LINGO2: variants seen among roughly 807,000 people sequenced by gnomAD.
The protein encoded by LINGO2 is leucine-rich repeat and immunoglobulin-like domain-containing nogo receptor-interacting protein 2.
A neutral mutation model predicts 30.6 loss-of-function variants in LINGO2; 14 were observed. The observed-to-expected ratio is 0.46, with a 90% CI of 0.30 to 0.72. LINGO2 has a LOEUF of 0.72. LINGO2 is among the 30% of genes least tolerant of loss of function. The pLI is 0.07. For missense variants in LINGO2, 729 were observed against 751.7 expected (o/e 0.97, Z 0.35); for synonymous variants, 317 against 288.5 (o/e 1.10, Z -1.00).
intron 4 of LINGO2, among the ~76,000 whole-genome samples, chr9:28,146,338 A>T (rs907136462): frequency 5.3e-5 from 8 of 152,240 alleles, no homozygotes; most frequent in African/African-American, 1.9e-4. Flanking sequence ...ATAATTTCAG[A>T]ATAAAAACTA....
chr9:28,309,096 G>C (rs1266467859), intron 3 of LINGO2, among the ~76,000 whole-genome samples: 2 of 152,080 alleles, frequency 1.3e-5, no homozygotes, highest in African/African-American at 4.8e-5. Flanking sequence ...ATACCCAAAG[G>C]ACTGTAAATC....
rs192957581 is a variant in LINGO2 at position 27,987,121 on chromosome 9, A to G, written c.-36+25234T>C. 1.6e-4 allele frequency among the ~76,000 whole-genome samples: 25 copies of G among 151,988 alleles called. 1 individual carries two copies. The Middle Eastern group carries it at 0.01, about 62-fold the overall frequency. ...CTCAATAAATGAAGCTAAAAAACCAACCTTCAAGGGGTACTTATGAGGATG... is the reference window on the plus strand; with the variant it reads ...CTCAATAAATGAAGCTAAAAAACCAGCCTTCAAGGGGTACTTATGAGGATG... On this transcript the variant is annotated intron_variant, in intron 5 of 5. Transcript: ENST00000379992.
chr9:28,451,711 T>A (rs1384060317), intron 2 of LINGO2, among the ~76,000 whole-genome samples: 2 of 151,766 alleles, frequency 1.3e-5, no homozygotes, highest in Non-Finnish European at 3.0e-5. Context: ...CTTGGCTACA[T>A]TTTGCCATCA....
At chr9:28,054,820 T>G (rs1824846731) in intron 4 of LINGO2, among the ~76,000 whole-genome samples, 3 of 152,144 alleles carry the variant, frequency 2.0e-5, no homozygotes, top group Admixed American at 1.3e-4. Flanking sequence ...TCCTTAAGTT[T>G]ACTATACTAA....
At chr9:28,531,677 T>C (rs1405512330) in intron 1 of LINGO2, among the ~76,000 whole-genome samples, 1 of 152,184 alleles carries the variant, frequency 6.6e-6, no homozygotes, top group Non-Finnish European at 1.5e-5. Flanking sequence ...GTACAATATA[T>C]ATTTAATTTC....
At chr9:28,902,908 A>T in the LINGO2 span, among the ~76,000 whole-genome samples, 3 of 151,952 alleles carry the variant, frequency 2.0e-5, no homozygotes, top group African/African-American at 7.2e-5. Flanking sequence ...TGCGATAAAC[A>T]CCTACATAAA....
intron 3 of LINGO2, among the ~76,000 whole-genome samples, chr9:28,332,743 G>A (rs968180097): frequency 1.3e-5 from 2 of 152,108 alleles, no homozygotes; most frequent in African/African-American, 2.4e-5. Context: ...ACCTTATTTA[G>A]TCATAAGAAT....
At chr9:28,501,774 G>A (rs566490404) in intron 1 of LINGO2, among the ~76,000 whole-genome samples, 3 of 152,102 alleles carry the variant, frequency 2.0e-5, no homozygotes, top group East Asian at 3.9e-4. Context: ...CTAATATCCT[G>A]CTTTGCAATC....
At chr9:28,959,217 G>C in the LINGO2 span, among the ~76,000 whole-genome samples, 1 of 152,084 alleles carries the variant, frequency 6.6e-6, no homozygotes, top group South Asian at 2.1e-4. Flanking sequence ...TGAGGGTAGA[G>C]ATGAAAGAAA....
At chr9:28,720,984 C>A in the LINGO2 span, among the ~76,000 whole-genome samples, 1 of 151,996 alleles carries the variant, frequency 6.6e-6, no homozygotes, top group Non-Finnish European at 1.5e-5. Flanking sequence ...TGAATGCTCA[C>A]AAGATAGACT....
At chr9:28,729,344 G>A in the LINGO2 span, among the ~76,000 whole-genome samples, 1 of 152,030 alleles carries the variant, frequency 6.6e-6, no homozygotes, top group Non-Finnish European at 1.5e-5. Context: ...AGTTAATCAT[G>A]AACATAAAAT....
chr9:28,487,019 T>C (rs1315100109), intron 1 of LINGO2, among the ~76,000 whole-genome samples: 1 of 151,986 alleles, frequency 6.6e-6, no homozygotes, highest in Non-Finnish European at 1.5e-5. Context: ...AAAGAAGGTA[T>C]GGAGTCAAAA....
chr9:28,727,202 C>A, the LINGO2 span, among the ~76,000 whole-genome samples: 2 of 152,124 alleles, frequency 1.3e-5, no homozygotes, highest in Non-Finnish European at 2.9e-5. Context: ...ACAGAGGCCC[C>A]AAACTATTCC....
At chr9:28,661,265 A>G (rs571188967) in intron 1 of LINGO2, among the ~76,000 whole-genome samples, 8 of 152,282 alleles carry the variant, frequency 5.3e-5, no homozygotes, top group Admixed American at 3.9e-4. Context: ...ACCCCATTGT[A>G]TGATGAGAGA....
At chr9:29,137,342 A>G in the LINGO2 span, among the ~76,000 whole-genome samples, 3 of 152,152 alleles carry the variant, frequency 2.0e-5, no homozygotes, top group Admixed American at 1.3e-4. Flanking sequence ...TCATTATTTA[A>G]CAGTTCACAA....
At chr9:28,364,591 T>C (rs1316444442) in intron 3 of LINGO2, among the ~76,000 whole-genome samples, 1 of 152,226 alleles carries the variant, frequency 6.6e-6, no homozygotes, top group African/African-American at 2.4e-5. Context: ...CTGCTTGGTT[T>C]AAATTGTGTT....
chr9:28,420,994 GTTGGTGA>G (rs1823171086), intron 2 of LINGO2, among the ~76,000 whole-genome samples: 1 of 151,844 alleles, frequency 6.6e-6, no homozygotes, highest in Non-Finnish European at 1.5e-5. Flanking sequence ...AAATAATATA[GTTGGTGA>G]TTGTATAAAT....
At chr9:28,423,983 GGT>G (rs935344916) in intron 2 of LINGO2, among the ~76,000 whole-genome samples, 16 of 151,998 alleles carry the variant, frequency 1.1e-4, no homozygotes, top group Admixed American at 9.8e-4. Context: ...TCACTCAGAG[GGT>G]GTCTCTTTTT....
At chr9:28,185,363 T>A (rs1271229944) in intron 4 of LINGO2, among the ~76,000 whole-genome samples, 2 of 151,038 alleles carry the variant, frequency 1.3e-5, no homozygotes, top group East Asian at 3.9e-4. Flanking sequence ...CATAACACTA[T>A]GTTAGTATTA....
Sources: gnomAD v4.1 joint callset for allele counts (sites outside exome capture counted in the v4.1 genomes callset) on GRCh38, gnomAD v4.1.1 for gene constraint, MANE v1.5 for transcripts, NCBI Gene and HGNC (gene_info 2026-07-23, HGNC 2026-07-21) for gene names.